The following CDH12 variants were observed in gnomAD, a reference collection of about 807,000 sequenced individuals.
The protein encoded by CDH12 is cadherin-12.
CDH12 carries 41 observed loss-of-function variants against 74.1 expected under a neutral mutation model. The observed-to-expected ratio is 0.55, with a 90% CI of 0.43 to 0.72. The LOEUF is 0.72. CDH12 is among the 30% of genes least tolerant of loss of function. CDH12 has a pLI of 0.00. For synonymous variants in CDH12, 399 were observed against 355.0 expected, an observed-to-expected ratio of 1.12 and a Z score of -1.39; for missense variants, 945 against 977.2, an observed-to-expected ratio of 0.97 and a Z score of 0.44.
intron 1 of CDH12, among the ~76,000 whole-genome samples, chr5:22,525,878 T>G (rs569583633): frequency 6.6e-6 from 1 of 152,304 alleles, no homozygotes; most frequent in African/African-American, 2.4e-5. Flanking sequence ...TGATGAATTC[T>G]AGAATATAGT....
chr5:22,490,539 A>C (rs1746817718), intron 2 of CDH12, among the ~76,000 whole-genome samples: 1 of 151,950 alleles, frequency 6.6e-6, no homozygotes, highest in Non-Finnish European at 1.5e-5. Flanking sequence ...AAAAAAATTC[A>C]CAAAGACAGA....
chr5:22,377,946 T>C (rs973836652), intron 3 of CDH12, among the ~76,000 whole-genome samples: 4 of 152,196 alleles, frequency 2.6e-5, no homozygotes, highest in African/African-American at 9.6e-5. Context: ...TGAAAGTTAA[T>C]TTATAAAGCT....
chr5:22,204,250 C>G (rs1452907216), intron 4 of CDH12, among the ~76,000 whole-genome samples: 1 of 151,682 alleles, frequency 6.6e-6, no homozygotes, highest in African/African-American at 2.4e-5. Context: ...TCAGCTCCGC[C>G]TCGGGGTTCA....
intron 13 of CDH12, among the ~76,000 whole-genome samples, chr5:21,757,531 C>T (rs114314697): frequency 0.019 from 2,956 of 152,264 alleles, 44 homozygotes; most frequent in Middle Eastern, 0.031. Context: ...AAAAGACATA[C>T]TATATTTTAT....
At chr5:21,855,827 A>G (rs1750728117) in intron 6 of CDH12, among the ~76,000 whole-genome samples, 1 of 151,638 alleles carries the variant, frequency 6.6e-6, no homozygotes, top group Non-Finnish European at 1.5e-5. Context: ...GGAGCAAACC[A>G]TGTCTTCCTA....
intron 11 of CDH12, among the ~76,000 whole-genome samples, chr5:21,775,743 C>T (rs1745552058): frequency 6.6e-6 from 1 of 151,676 alleles, no homozygotes; most frequent in Non-Finnish European, 1.5e-5. Flanking sequence ...AAAATAATTA[C>T]TTATTATATT....
intron 4 of CDH12, among the ~76,000 whole-genome samples, chr5:22,208,180 G>C (rs534679279): frequency 7.2e-5 from 11 of 152,248 alleles, no homozygotes; most frequent in African/African-American, 2.6e-4. Context: ...CCAGAACTAT[G>C]AACATGTAAG....
chr5:22,488,688 G>T (rs573239837), intron 2 of CDH12, among the ~76,000 whole-genome samples: 8 of 152,108 alleles, frequency 5.3e-5, no homozygotes, highest in Admixed American at 4.6e-4. Context: ...AGACAACAAA[G>T]AACTGCACCT....
chr5:21,842,004 A>G (rs539382842), intron 8 of CDH12, among the ~76,000 whole-genome samples, 157 bp downstream of exon 8: 2 of 144,142 alleles, frequency 1.4e-5, no homozygotes, highest in East Asian at 2.0e-4. Context: ...AACTTAAAGT[A>G]TAAAAAAAAA....
chr5:22,784,135 G>T (rs1270108084), intron 1 of CDH12, among the ~76,000 whole-genome samples: 2 of 151,804 alleles, frequency 1.3e-5, no homozygotes, highest in South Asian at 2.1e-4. Context: ...TATATATAAA[G>T]GTTTTCAGCC....
chr5:22,828,121 G>A (rs909877871), intron 1 of CDH12, among the ~76,000 whole-genome samples: 1 of 151,984 alleles, frequency 6.6e-6, no homozygotes, highest in Non-Finnish European at 1.5e-5. Flanking sequence ...CATATGAAAA[G>A]GGCAAATAAT....
intron 2 of CDH12, among the ~76,000 whole-genome samples, chr5:22,436,649 G>A (rs866426055): frequency 1.3e-4 from 19 of 151,780 alleles, no homozygotes; most frequent in Admixed American, 9.2e-4. Context: ...CTCACTGGGC[G>A]GATACGCTAT....
rs114368374 is a variant in CDH12, at chr5:22,703,071, G to A, written c.-523+149987C>T. Reference sequence around the variant, plus strand: ...AATCTTTAGCAACATTCTATTTGCTGCAGGATAACCTCCCACATCTTTGAC... The same window carrying A: ...AATCTTTAGCAACATTCTATTTGCTACAGGATAACCTCCCACATCTTTGAC... On this transcript the variant is annotated intron_variant, in intron 1 of 14. Transcript: ENST00000382254. Among the ~76,000 whole-genome samples the A allele has an allele frequency of 2.0e-3, 298 of 152,076 alleles. 3 individuals carry two copies. The highest frequency in any genetic ancestry group is 7.0e-3 in the African/African-American group (291 of 41,516).
intron 1 of CDH12, among the ~76,000 whole-genome samples, chr5:22,516,802 A>T: frequency 6.6e-6 from 1 of 152,258 alleles, no homozygotes; most frequent in Middle Eastern, 3.4e-3. Flanking sequence ...TTCAAAATAA[A>T]AATTATAAGT....
At chr5:22,843,811 A>G (rs957145998) in intron 1 of CDH12, among the ~76,000 whole-genome samples, 2 of 152,096 alleles carry the variant, frequency 1.3e-5, no homozygotes, top group African/African-American at 4.8e-5. Flanking sequence ...ACAGACATCT[A>G]AAGAAAGCAA....
chr5:22,337,144 A>G (rs1405553922), intron 3 of CDH12, among the ~76,000 whole-genome samples: 1 of 151,984 alleles, frequency 6.6e-6, no homozygotes, highest in Non-Finnish European at 1.5e-5. Flanking sequence ...GTTTTGGCCA[A>G]TTTCTTCCAT....
chr5:22,572,587 A>G lies in CDH12; in HGVS notation c.-522-67223T>C, dbSNP rs186715695. Among the ~76,000 whole-genome samples the G allele has an allele frequency of 1.2e-3, 177 of 152,284 alleles. 2 individuals carry two copies. Among genetic ancestry groups the G allele is most frequent in the Middle Eastern group, 3.4e-3 (1 of 294 alleles). ...GAACTCATTTTAAAACTGTCTAAAA[A>G]GCAAAGCTTGGTATATTGGATTTAT... On this transcript the variant is annotated intron_variant, in intron 1 of 14. Transcript: ENST00000382254.
intron 2 of CDH12, among the ~76,000 whole-genome samples, chr5:22,482,798 GTGTCGGGGATTT>G (rs1746435108): frequency 6.6e-6 from 1 of 152,082 alleles, no homozygotes; most frequent in African/African-American, 2.4e-5. Flanking sequence ...AAATATGATT[GTGTCGGGGATTT>G]TCCCAAAAAA....
At chr5:22,040,014 A>G (rs981442742) in intron 5 of CDH12, among the ~76,000 whole-genome samples, 2 of 152,098 alleles carry the variant, frequency 1.3e-5, no homozygotes, top group African/African-American at 4.8e-5. Context: ...CAGAAAAGGA[A>G]TTCAAAATAA....
Sources: gnomAD v4.1 joint callset for allele counts (sites outside exome capture counted in the v4.1 genomes callset) on GRCh38, gnomAD v4.1.1 for gene constraint, MANE v1.5 for transcripts, NCBI Gene and HGNC (gene_info 2026-07-23, HGNC 2026-07-21) for gene names.